The following ATP8B4 variants were observed in gnomAD, a reference collection of about 807,000 sequenced individuals.
ATP8B4 encodes probable phospholipid-transporting ATPase IM.
In ATP8B4, 133 loss-of-function variants were observed where a neutral mutation model predicts 145.6. That is an observed-to-expected ratio of 0.91 (90% CI 0.79 to 1.05). ATP8B4 has a LOEUF of 1.05. ATP8B4 is among the 50% of genes least tolerant of loss of function. The probability of loss-of-function intolerance (pLI) is 0.00; values close to 1 mark genes in which losing one functional copy is unlikely to be tolerated. For missense variants in ATP8B4, 1,458 were observed against 1,425.2 expected (o/e 1.02, Z -0.37); for synonymous variants, 507 against 492.9 (o/e 1.03, Z -0.38).
intron 1 of ATP8B4, among the ~76,000 whole-genome samples, chr15:50,131,724 ATATT>A (rs1188498548): frequency 6.7e-6 from 1 of 148,542 alleles, no homozygotes; most frequent in African/African-American, 2.4e-5. Context: ...AATACTAACA[ATATT>A]TATATATTAT....
At chr15:49,891,473 G>A (rs376981329) in intron 23 of ATP8B4, among the ~76,000 whole-genome samples, 7 of 152,000 alleles carry the variant, frequency 4.6e-5, no homozygotes, top group South Asian at 2.1e-4. Context: ...TTACAGGCAC[G>A]CTCCACCCCG....
At chr15:50,045,778 C>G (rs2051667412) in intron 4 of ATP8B4, among the ~76,000 whole-genome samples, 1 of 152,042 alleles carries the variant, frequency 6.6e-6, no homozygotes, top group Non-Finnish European at 1.5e-5. Flanking sequence ...CTGAACCATC[C>G]CAAAGTTCCC....
intron 20 of ATP8B4, among the ~76,000 whole-genome samples, chr15:49,912,183 G>A (rs945590640): frequency 6.6e-6 from 1 of 151,962 alleles, no homozygotes; most frequent in Non-Finnish European, 1.5e-5. Flanking sequence ...AAAGATCAGA[G>A]CATATGTAAA....
chr15:49,861,566 T>A (rs1327725536), intron 27 of ATP8B4, among the ~76,000 whole-genome samples: 1 of 152,096 alleles, frequency 6.6e-6, no homozygotes, highest in African/African-American at 2.4e-5. Context: ...CCCCTTCTCA[T>A]GACATGGCTA....
intron 1 of ATP8B4, among the ~76,000 whole-genome samples, chr15:50,172,343 C>T (rs2044688678): frequency 3.3e-5 from 5 of 152,276 alleles, no homozygotes; most frequent in Admixed American, 2.0e-4. Flanking sequence ...GGGGTTTCCC[C>T]CTCTTGGCCG....
Position 49,898,263 on chromosome 15 carries a change from A to T in ATP8B4, c.2290-12T>A, listed in dbSNP as rs769977264. 1.0e-5 allele frequency: 16 copies of T among 1,605,274 alleles called. No individual in the cohort carries two copies. The highest frequency in any genetic ancestry group is 1.3e-5 in the Non-Finnish European group (15 of 1,174,144). ...TCTAGGGCATGAGCCTGTATGATTA[A>T]AAATAAAATTCAAACAAGAACAGGA... On this transcript the variant is annotated splice_polypyrimidine_tract_variant and intron_variant, in intron 21 of 27. Transcript: ENST00000284509.
At chr15:50,053,010 TG>T (rs1413314691) in intron 3 of ATP8B4, among the ~76,000 whole-genome samples, 1 of 152,130 alleles carries the variant, frequency 6.6e-6, no homozygotes, top group African/African-American at 2.4e-5. Context: ...AGAATAGATA[TG>T]AAAAGAGCGA....
intron 26 of ATP8B4, among the ~76,000 whole-genome samples, chr15:49,865,309 C>T (rs2032591687): frequency 1.3e-5 from 2 of 152,248 alleles, no homozygotes; most frequent in Admixed American, 6.5e-5. Flanking sequence ...GGAAGTTCCA[C>T]GCCCCTTCCT....
chr15:49,979,739 G>A lies in ATP8B4; in HGVS notation c.912C>T (p.Asp304=). The A allele has an allele frequency of 6.2e-7, 1 of 1,611,002 alleles. No homozygotes were observed. Among genetic ancestry groups the A allele is most frequent in the Non-Finnish European group, 8.5e-7 (1 of 1,177,782 alleles). Residue 304 remains aspartate, a synonymous_variant, in exon 12 of 28, where the codon GAC becomes GAT. Coordinates refer to ENST00000284509, the MANE Select transcript of ATP8B4 (RefSeq NM_024837.4). ...GNSIWESQTG[D]QFRTFLFWNE... is the part of the protein sequence containing the mutation. ...TCCAAAAGAGGAAAGTTCTGAATTG[G>A]TCCCCAGTTTGACTCTCCCAGATTG...
chr15:50,054,230 CAG>C (rs1204423381), intron 3 of ATP8B4, among the ~76,000 whole-genome samples: 4 of 152,160 alleles, frequency 2.6e-5, no homozygotes, highest in Non-Finnish European at 5.9e-5. Context: ...GTCTCCTCAT[CAG>C]ATACTCATAA....
intron 1 of ATP8B4, among the ~76,000 whole-genome samples, chr15:50,151,307 T>A (rs1463402361): frequency 6.6e-6 from 1 of 152,166 alleles, no homozygotes; most frequent in Admixed American, 6.5e-5. Flanking sequence ...ATTAATCACA[T>A]AGGAAGCTCA....
At chr15:50,095,282 A>G (rs981370126) in intron 2 of ATP8B4, among the ~76,000 whole-genome samples, 6 of 152,124 alleles carry the variant, frequency 3.9e-5, no homozygotes, top group Non-Finnish European at 8.8e-5. Context: ...AGACTGAAAG[A>G]GAGAGAGAAT....
chr15:49,936,818 C>T (rs28502034), intron 14 of ATP8B4, among the ~76,000 whole-genome samples: 23,423 of 151,876 alleles, frequency 0.15, 2,990 homozygotes, highest in African/African-American at 0.35. Flanking sequence ...TTTATTTTGT[C>T]TTTATTCTCT....
At chr15:49,943,053 G>A (rs529171552) in intron 14 of ATP8B4, among the ~76,000 whole-genome samples, 8 of 151,672 alleles carry the variant, frequency 5.3e-5, no homozygotes, top group Non-Finnish European at 1.2e-4. Flanking sequence ...ACAAATTTTG[G>A]AGCTGAAGAA....
chr15:49,979,805 C>T lies in ATP8B4; in HGVS notation c.846G>A (p.Gly282=), dbSNP rs1466706279. The T allele has an allele frequency of 6.3e-7, 1 of 1,578,676 alleles. No homozygotes were observed. Among genetic ancestry groups the T allele is most frequent in the Non-Finnish European group, 8.6e-7 (1 of 1,158,052 alleles). The part of the protein sequence containing the change: ...LMNTLVLWIF[G]FLICLGIILA... ...GAATAATTCCCAAGCATATCAGAAA[C>T]CCAAAAATCTGAAATAAGATAGAAG... Residue 282 remains glycine (G), a synonymous_variant, in exon 12 of 28, where the codon GGG becomes GGA. Coordinates refer to ENST00000284509, the MANE Select transcript of ATP8B4 (RefSeq NM_024837.4).
At chr15:50,111,913 A>C (rs1475177590) in intron 1 of ATP8B4, among the ~76,000 whole-genome samples, 4 of 152,192 alleles carry the variant, frequency 2.6e-5, no homozygotes, top group African/African-American at 9.7e-5. Flanking sequence ...CATGCCTGTA[A>C]TCCCAACACT....
chr15:50,135,129 C>A (rs1235512386), intron 1 of ATP8B4, among the ~76,000 whole-genome samples: 2 of 152,190 alleles, frequency 1.3e-5, no homozygotes, highest in Non-Finnish European at 2.9e-5. Flanking sequence ...GGTTTTATGT[C>A]CCCAGTCCTT....
Position 50,029,255 on chromosome 15 carries a change from A to AAAAAAAAAAC in ATP8B4, c.362+9512_362+9513insGTTTTTTTTT, listed in dbSNP as rs776952913. On this transcript the variant is annotated intron_variant, in intron 6 of 27. Coordinates refer to ENST00000284509, the MANE Select transcript of ATP8B4 (RefSeq NM_024837.4). ...CTCCATCTTAAAAAAAAAAAAAAAAAAACAGAAAAATACAGCAGAATTTTA... is the reference window on the plus strand; with the variant it reads ...CTCCATCTTAAAAAAAAAAAAAAAAAAAAAAAAAACAACAGAAAAATACAGCAGAATTTTA... 4.5e-4 allele frequency among the ~76,000 whole-genome samples: 63 copies of AAAAAAAAAAC among 141,182 alleles called. 1 individual carries two copies. Among genetic ancestry groups the AAAAAAAAAAC allele is most frequent in the Non-Finnish European group, 7.4e-4 (46 of 62,206 alleles). The allele number at this position is 141,182 out of a possible 152,430, so 92.6% of individuals were successfully genotyped here. A position where few individuals can be genotyped will look rare whatever the true frequency, so the allele number is the denominator to read the frequency against.
chr15:49,918,215 C>T (rs1264172447), intron 19 of ATP8B4, among the ~76,000 whole-genome samples: 2 of 152,106 alleles, frequency 1.3e-5, no homozygotes, highest in East Asian at 1.9e-4. Context: ...TAGTAGAACA[C>T]GATGATTCAC....
Sources: allele counts gnomAD v4.1 joint callset (sites outside exome capture counted in the v4.1 genomes callset), GRCh38; gene constraint gnomAD v4.1.1; transcripts MANE v1.5; gene names NCBI Gene and HGNC (gene_info 2026-07-23, HGNC 2026-07-21).